Variants in EGF observed in about 807,000 individuals in gnomAD.
The protein encoded by EGF is pro-epidermal growth factor.
EGF carries 95 observed loss-of-function variants against 143.8 expected under a neutral mutation model. The ratio of observed to expected loss-of-function variants is 0.66; its 90% confidence interval spans 0.56 to 0.78. The LOEUF is 0.78. Among genes scored for constraint, EGF ranks in the 30% least tolerant of loss-of-function variants. EGF has a pLI of 0.00. For synonymous variants in EGF, 510 were observed against 510.5 expected, an observed-to-expected ratio of 1.00 and a Z score of 0.01; for missense variants, 1,320 against 1,470.9, an observed-to-expected ratio of 0.90 and a Z score of 1.68.
chr4:109,964,604 C>G, intron 10 of EGF, 67 bp downstream of exon 10: 2 of 1,604,588 alleles, frequency 1.2e-6, no homozygotes. Flanking sequence ...TTTATCCTAA[C>G]AAATGACCTG....
chr4:109,957,763 A>T (rs11568917), intron 5 of EGF, among the ~76,000 whole-genome samples: 49 of 152,268 alleles, frequency 3.2e-4, no homozygotes, highest in African/African-American at 1.2e-3. Flanking sequence ...TTAGGTCCTC[A>T]GCTTTTCCCA....
At chr4:109,987,138 GTC>G (rs1050747999) in intron 16 of EGF, among the ~76,000 whole-genome samples, 2 of 152,122 alleles carry the variant, frequency 1.3e-5, no homozygotes, top group Non-Finnish European at 2.9e-5. Flanking sequence ...TCAAATTTGA[GTC>G]TATTTGCTTC....
At chr4:109,916,398 T>A (rs1736660165) in intron 1 of EGF, among the ~76,000 whole-genome samples, 1 of 152,198 alleles carries the variant, frequency 6.6e-6, no homozygotes, top group East Asian at 1.9e-4. Flanking sequence ...GGAGACAGAT[T>A]TCTTGCCTGG....
chr4:109,983,288 G>T, intron 15 of EGF, 134 bp from the exon 16 acceptor site: 1 of 1,055,692 alleles, frequency 9.5e-7, no homozygotes, highest in African/African-American at 1.6e-5. Flanking sequence ...GACCCTGACA[G>T]TTTCTCTGAA....
intron 15 of EGF, among the ~76,000 whole-genome samples, chr4:109,981,541 A>C (rs1031169549): frequency 6.6e-6 from 1 of 152,208 alleles, no homozygotes; most frequent in Non-Finnish European, 1.5e-5. Context: ...GCCTCCCTTG[A>C]ATGTGCACCC....
At chr4:109,915,401 G>A (rs555174862) in intron 1 of EGF, among the ~76,000 whole-genome samples, 3 of 152,232 alleles carry the variant, frequency 2.0e-5, no homozygotes, top group East Asian at 3.9e-4. Context: ...GTCCTCCTGG[G>A]CTCCACGTCT....
chr4:109,921,165 T>C (rs935813283), intron 1 of EGF, among the ~76,000 whole-genome samples: 2 of 151,636 alleles, frequency 1.3e-5, no homozygotes, highest in African/African-American at 4.9e-5. Flanking sequence ...GAATAATGCT[T>C]GTCAATATGT....
At chr4:109,961,106 T>C in intron 7 of EGF, 117 bp downstream of exon 7, 2 of 1,201,744 alleles carry the variant, frequency 1.7e-6, no homozygotes, top group East Asian at 2.5e-5. Flanking sequence ...ATAATTACCT[T>C]TGAGTTTTAT....
intron 5 of EGF, among the ~76,000 whole-genome samples, chr4:109,947,493 C>T (rs1743059191): frequency 6.6e-6 from 1 of 151,842 alleles, no homozygotes; most frequent in Admixed American, 6.6e-5. Flanking sequence ...ACTCTGGGTT[C>T]TAGCACCACA....
intron 10 of EGF, among the ~76,000 whole-genome samples, chr4:109,965,918 C>T (rs940775145): frequency 4.6e-5 from 7 of 151,896 alleles, no homozygotes; most frequent in East Asian, 3.9e-4. Context: ...CATTATTTAA[C>T]GACTTACCAT....
In EGF at chr4:110,012,728, A is replaced by G. The variant is rs964435861; in HGVS notation, c.*1273A>G. ...GCCCAGCCTTGTAACTTTTAAAAAA[A>G]TTTTTTAATCTACAACTCTGTAGAT... is the stretch of plus-strand genomic sequence containing the variant. On this transcript the variant is annotated 3_prime_UTR_variant, in exon 24 of 24. Coordinates refer to ENST00000265171, the MANE Select transcript of EGF (RefSeq NM_001963.6). Among the ~76,000 whole-genome samples, 1 of 152,154 alleles carries G rather than the reference A, an allele frequency of 6.6e-6. No homozygotes were observed. The highest frequency in any genetic ancestry group is 2.4e-5 in the African/African-American group (1 of 41,444).
Position 109,999,624 on chromosome 4 carries a change from T to A in EGF, c.3006-55T>A. 3 of 1,609,814 alleles carry A rather than the reference T, an allele frequency of 1.9e-6. No homozygotes were observed. In the South Asian group the frequency reaches 3.3e-5, roughly 18 times the overall value. On this transcript the variant is annotated intron_variant, in intron 20 of 23. Transcript: ENST00000265171. ...ACAGCTGAATACTGAGTGTCAAAAC[T>A]ATCAGCGTTTTTGGCCAGGCATCTC...
chr4:110,010,693 C>A (rs1283064692), intron 23 of EGF, among the ~76,000 whole-genome samples: 3 of 152,174 alleles, frequency 2.0e-5, no homozygotes, highest in African/African-American at 7.2e-5. Flanking sequence ...GCAAGCCATC[C>A]TCCCACTTCA....
At chr4:109,979,852 T>G (rs981866295) in intron 13 of EGF, 120 bp from the exon 14 acceptor site, 7 of 1,225,708 alleles carry the variant, frequency 5.7e-6, no homozygotes, top group Non-Finnish European at 8.1e-6. Flanking sequence ...CATAACTTGC[T>G]GAGTAGCTAA....
In EGF at chr4:109,974,804, C is replaced by A; in HGVS notation, c.1826C>A (p.Ala609Asp). The A allele has an allele frequency of 6.2e-7, 1 of 1,611,212 alleles. No homozygotes were observed. Among genetic ancestry groups the A allele is most frequent in the Non-Finnish European group, 8.5e-7 (1 of 1,177,612 alleles). ...QPRGIAVHPM[A>D]KRLFWTDTGI... ...CGAGGAATTGCTGTTCATCCAATGG[C>A]CAAGTAGGTATTTGTAAAAATAAGG... The change falls in exon 12 of 24, where the codon GCC becomes GAC. Residue 609 changes from alanine (A) to aspartate (D), a missense_variant. Ala to Asp is a moderately radical substitution (Grantham distance 126). Around this residue, in one of 5 missense-constraint regions of EGF, gnomAD observed 1,186 missense variants for 1,313.7 expected, o/e 0.90. Transcript: ENST00000265171.
At chr4:109,949,194 G>T (rs571224039) in intron 5 of EGF, among the ~76,000 whole-genome samples, 48 of 152,066 alleles carry the variant, frequency 3.2e-4, no homozygotes, top group African/African-American at 1.1e-3. Context: ...TCAGCCTCCT[G>T]AGTCACTGGG....
intron 11 of EGF, among the ~76,000 whole-genome samples, chr4:109,969,374 G>T (rs1484985588): frequency 1.3e-5 from 2 of 152,116 alleles, no homozygotes; most frequent in African/African-American, 4.8e-5. Flanking sequence ...AACACTGCAT[G>T]TTCTCACTCA....
intron 15 of EGF, among the ~76,000 whole-genome samples, chr4:109,982,001 G>A (rs983089097): frequency 2.0e-5 from 3 of 150,408 alleles, no homozygotes; most frequent in African/African-American, 7.3e-5. Context: ...CATGTTCATG[G>A]CTCACTGCAG....
intron 2 of EGF, among the ~76,000 whole-genome samples, chr4:109,942,318 A>G (rs900863182): frequency 2.0e-5 from 3 of 152,212 alleles, no homozygotes; most frequent in Non-Finnish European, 4.4e-5. Context: ...TAAAATTCAA[A>G]CAATTTACCT....
Sources: allele counts gnomAD v4.1 joint callset (sites outside exome capture counted in the v4.1 genomes callset), GRCh38; gene constraint gnomAD v4.1.1; regional missense constraint gnomAD v4.1.1; transcripts MANE v1.5; gene names NCBI Gene and HGNC (gene_info 2026-07-23, HGNC 2026-07-21).